Variants in KCNG2 observed in about 807,000 individuals in gnomAD.
KCNG2 encodes the protein potassium voltage-gated channel modifier subfamily G member 2.
In KCNG2, 7 loss-of-function variants were observed where a neutral mutation model predicts 12.3. That is an observed-to-expected ratio of 0.57 (90% CI 0.32 to 1.07). The LOEUF (loss-of-function observed/expected upper bound fraction) is 1.07. KCNG2 is among the 50% of genes least tolerant of loss of function. The pLI, the probability that KCNG2 is intolerant of heterozygous loss-of-function variation, is 0.04. For synonymous variants in KCNG2, 414 were observed against 351.4 expected, an observed-to-expected ratio of 1.18 and a Z score of -1.99; for missense variants, 703 against 726.0, an observed-to-expected ratio of 0.97 and a Z score of 0.36.
chr18:79,888,722 A>G (rs1041696712), intron 3 of KCNG2, among the ~76,000 whole-genome samples: 1 of 150,344 alleles, frequency 6.7e-6, no homozygotes, highest in Non-Finnish European at 1.5e-5. Flanking sequence ...AGAGAGTCTC[A>G]CTCTGTCGCC....
rs1176157331 is a variant in KCNG2, at chr18:79,820,393, C to A, written c.-115+22379C>A. Among the ~76,000 whole-genome samples the A allele has an allele frequency of 2.0e-5, 3 of 152,212 alleles. No homozygotes were observed. In the East Asian group the frequency reaches 5.8e-4, roughly 29 times the overall value. On this transcript the variant is annotated intron_variant, in intron 1 of 3. Transcript: ENST00000316249. Reference sequence around the variant, plus strand: ...TAGAGAGTCTGCCAAACTTCCACAGCAGCTGAGCCATTTTCCCATCGGCAA... The same window carrying A: ...TAGAGAGTCTGCCAAACTTCCACAGAAGCTGAGCCATTTTCCCATCGGCAA...
At position 79,804,215 on chromosome 18, in the gene KCNG2, G is replaced by A. The variant is rs536022840; in HGVS notation, c.-115+6201G>A. 3.9e-5 allele frequency among the ~76,000 whole-genome samples: 6 copies of A among 152,342 alleles called. No individual in the cohort carries two copies. In the South Asian group the frequency reaches 1.0e-3, roughly 26 times the overall value. ...GTGACCTGTTTCCCAAAGGCTACAA[G>A]AATAGGGCATTTGAGAGCGTGTTCT... is the stretch of plus-strand genomic sequence containing the variant. On this transcript the variant is annotated intron_variant, in intron 1 of 3. Coordinates refer to ENST00000316249, the MANE Select transcript of KCNG2 (RefSeq NM_012283.2).
intron 2 of KCNG2, among the ~76,000 whole-genome samples, chr18:79,861,965 G>T (rs530308173): frequency 6.6e-6 from 1 of 152,130 alleles, no homozygotes; most frequent in Non-Finnish European, 1.5e-5. Context: ...TTCAACACCA[G>T]AATTTCTATC....
At chr18:79,861,004 T>C (rs1184063807) in intron 2 of KCNG2, among the ~76,000 whole-genome samples, 2 of 152,208 alleles carry the variant, frequency 1.3e-5, no homozygotes, top group African/African-American at 2.4e-5. Flanking sequence ...TAGTTATTGA[T>C]TGAGTTTTTT....
intron 1 of KCNG2, among the ~76,000 whole-genome samples, chr18:79,844,866 A>G (rs547720408): frequency 6.6e-6 from 1 of 152,364 alleles, no homozygotes; most frequent in Admixed American, 6.5e-5. Flanking sequence ...TAAATATGCA[A>G]CTAGCCAGTC....
At chr18:79,834,838 TG>T (rs1304543165) in intron 1 of KCNG2, among the ~76,000 whole-genome samples, 1 of 152,246 alleles carries the variant, frequency 6.6e-6, no homozygotes, top group Non-Finnish European at 1.5e-5. Flanking sequence ...TCCTGATGGC[TG>T]AGTGCACCTT....
chr18:79,815,134 G>A (rs532728918), intron 1 of KCNG2, among the ~76,000 whole-genome samples: 8 of 152,192 alleles, frequency 5.3e-5, no homozygotes, highest in Non-Finnish European at 7.4e-5. Context: ...GAGGTATTAC[G>A]CAGTTTCCAC....
chr18:79,887,397 ACCTGTGCTGAGATGC>A (rs1980566420), intron 3 of KCNG2, among the ~76,000 whole-genome samples: 1 of 152,018 alleles, frequency 6.6e-6, no homozygotes, highest in Admixed American at 6.5e-5. Flanking sequence ...CTTGGGGCCG[ACCTGTGCTGAGATGC>A]CCTGTGCTGC....
intron 3 of KCNG2, among the ~76,000 whole-genome samples, chr18:79,895,850 T>G (rs1980955732): frequency 6.6e-6 from 1 of 152,262 alleles, no homozygotes; most frequent in Non-Finnish European, 1.5e-5. Context: ...CCACATCTTA[T>G]TTTCTGTTTC....
At chr18:79,820,881 CA>C (rs2087565195) in intron 1 of KCNG2, among the ~76,000 whole-genome samples, 1 of 152,144 alleles carries the variant, frequency 6.6e-6, no homozygotes, top group South Asian at 2.1e-4. Context: ...CTCTTGGACT[CA>C]AGTGATCCTC....
intron 3 of KCNG2, among the ~76,000 whole-genome samples, chr18:79,887,456 C>T (rs1042761599): frequency 6.6e-6 from 1 of 152,116 alleles, no homozygotes; most frequent in Admixed American, 6.5e-5. Context: ...GTTCACGGGT[C>T]TTGAGCTCCG....
chr18:79,843,848 T>G, intron 1 of KCNG2, among the ~76,000 whole-genome samples: 1 of 152,076 alleles, frequency 6.6e-6, no homozygotes, highest in East Asian at 1.9e-4. Flanking sequence ...TGAGAACAAT[T>G]AACAAAATGG....
chr18:79,843,487 C>T (rs1160677163), intron 1 of KCNG2, among the ~76,000 whole-genome samples: 3 of 151,984 alleles, frequency 2.0e-5, no homozygotes, highest in Non-Finnish European at 4.4e-5. Flanking sequence ...TCACCTGTAA[C>T]CCCAGCATAA....
chr18:79,828,446 G>GT (rs71338068), intron 1 of KCNG2, among the ~76,000 whole-genome samples: 1 of 151,030 alleles, frequency 6.6e-6, no homozygotes, highest in African/African-American at 2.4e-5. Flanking sequence ...GCAAGTGTGT[G>GT]GTGTGTGTGC....
At chr18:79,889,310 T>G (rs1308413772) in intron 3 of KCNG2, among the ~76,000 whole-genome samples, 2 of 152,234 alleles carry the variant, frequency 1.3e-5, no homozygotes, top group African/African-American at 2.4e-5. Context: ...TTTTTCTTAA[T>G]TTTTGCGTAT....
chr18:79,872,897 C>T (rs1679446521), intron 3 of KCNG2, among the ~76,000 whole-genome samples: 2 of 152,220 alleles, frequency 1.3e-5, no homozygotes, highest in Non-Finnish European at 2.9e-5. Flanking sequence ...GAAGCGAAGC[C>T]TCGTGTGGCC....
At chr18:79,877,133 G>C (rs1294009923) in intron 3 of KCNG2, among the ~76,000 whole-genome samples, 1 of 152,262 alleles carries the variant, frequency 6.6e-6, no homozygotes, top group Non-Finnish European at 1.5e-5. Flanking sequence ...TTTGACGCAA[G>C]AGGCCTTTTC....
chr18:79,858,010 T>A (rs151198922), intron 2 of KCNG2, among the ~76,000 whole-genome samples: 169 of 152,290 alleles, frequency 1.1e-3, no homozygotes, highest in Admixed American at 8.0e-3. Flanking sequence ...ATTTTATTTA[T>A]TTTATTTTTT....
intron 1 of KCNG2, among the ~76,000 whole-genome samples, chr18:79,806,603 A>T (rs1450149883): frequency 6.6e-6 from 1 of 152,176 alleles, no homozygotes; most frequent in Admixed American, 6.5e-5. Context: ...CTCTCAAATG[A>T]TGGTTTTTAG....
Sources: gnomAD v4.1 joint callset for allele counts (sites outside exome capture counted in the v4.1 genomes callset) on GRCh38, gnomAD v4.1.1 for gene constraint, MANE v1.5 for transcripts, NCBI Gene and HGNC (gene_info 2026-07-23, HGNC 2026-07-21) for gene names.